RBKS: variants seen among roughly 807,000 people sequenced by gnomAD.
RBKS encodes ribokinase.
RBKS carries 33 observed loss-of-function variants against 33.9 expected under a neutral mutation model. The observed-to-expected ratio is 0.97, with a 90% CI of 0.74 to 1.30. The LOEUF (loss-of-function observed/expected upper bound fraction) is 1.30. Ranked by LOEUF, RBKS falls within the 50% of genes most tolerant of loss-of-function variation. The probability of loss-of-function intolerance (pLI) is 0.00; values close to 1 mark genes in which losing one functional copy is unlikely to be tolerated. For missense variants in RBKS, 361 were observed against 392.6 expected, an observed-to-expected ratio of 0.92 and a Z score of 0.68; for synonymous variants, 125 against 143.0, an observed-to-expected ratio of 0.87 and a Z score of 0.90.
At chr2:27,849,575 A>AG (rs1663693921) in intron 2 of RBKS, among the ~76,000 whole-genome samples, 1 of 147,924 alleles carries the variant, frequency 6.8e-6, no homozygotes, top group African/African-American at 2.6e-5. Context: ...AAAAAAAAAA[A>AG]AAAAAAAAAA....
intron 2 of RBKS, among the ~76,000 whole-genome samples, chr2:27,849,576 A>G (rs1249986390): frequency 2.0e-5 from 3 of 147,936 alleles, no homozygotes; most frequent in East Asian, 3.9e-4. Context: ...AAAAAAAAAA[A>G]AAAAAAAAAA....
rs114007391 is a variant in RBKS at position 27,863,873 on chromosome 2, G to A, written c.90-5302C>T. 8.6e-3 allele frequency among the ~76,000 whole-genome samples: 1,309 copies of A among 152,280 alleles called. 14 individuals carry two copies. The highest frequency in any genetic ancestry group is 0.03 in the African/African-American group (1,228 of 41,554). ...AGAGTAATTTCAAAATCAAGTGAGT[G>A]ACATCTATTTCTACCTCTGTAAAAA... On this transcript the variant is annotated intron_variant, in intron 1 of 7. Coordinates refer to ENST00000302188, the MANE Select transcript of RBKS (RefSeq NM_022128.3).
rs1677984662 is a variant in RBKS, at chr2:27,811,505, T to C, written c.795+16062A>G. 5.3e-5 allele frequency among the ~76,000 whole-genome samples: 8 copies of C among 152,316 alleles called. No homozygotes were observed. In the South Asian group the frequency reaches 1.7e-3, roughly 32 times the overall value. ...AGAGGCTGCTTTTGTATCATTAGTC[T>C]TGGAACTCCCACGATGCTCTGAGAA... On this transcript the variant is annotated intron_variant, in intron 7 of 7. Coordinates refer to ENST00000302188, the MANE Select transcript of RBKS (RefSeq NM_022128.3).
chr2:27,872,798 A>T (rs1429399229), intron 1 of RBKS, among the ~76,000 whole-genome samples: 1 of 152,244 alleles, frequency 6.6e-6, no homozygotes, highest in Non-Finnish European at 1.5e-5. Flanking sequence ...AAGTCAGCCT[A>T]GCTTAATGAA....
chr2:27,885,478 CTTT>C lies in RBKS; in HGVS notation c.89+4776_89+4778del, dbSNP rs571363865. Among the ~76,000 whole-genome samples the C allele has an allele frequency of 1.7e-3, 265 of 152,252 alleles. 4 individuals carry two copies. The South Asian group carries it at 0.024, about 14-fold the overall frequency. ...AATCACTGATTGCTGTCTCCTGACTCTTTTTTTCTTCTTCATCCATACTGGACT... is the reference window on the plus strand; with the variant it reads ...AATCACTGATTGCTGTCTCCTGACTCTTTTCTTCTTCATCCATACTGGACT... On this transcript the variant is annotated intron_variant, in intron 1 of 7. Transcript: ENST00000302188.
chr2:27,789,941 G>GTATATGTGTATATATATATATATATATA (rs1677483644), intron 7 of RBKS, among the ~76,000 whole-genome samples: 1 of 96,522 alleles, frequency 1.0e-5, no homozygotes, highest in Non-Finnish European at 2.0e-5. Flanking sequence ...ATATATATAT[G>GTATATGTGTATATATATATATATATATA]TATATGTGTA....
chr2:27,811,403 T>C (rs1045776853), intron 7 of RBKS, among the ~76,000 whole-genome samples: 4 of 152,212 alleles, frequency 2.6e-5, no homozygotes, highest in African/African-American at 7.2e-5. Context: ...AAGTGTACAG[T>C]GGGATGTGCC....
chr2:27,835,070 G>A (rs1176010362), intron 5 of RBKS, among the ~76,000 whole-genome samples: 1 of 152,112 alleles, frequency 6.6e-6, no homozygotes, highest in African/African-American at 2.4e-5. Context: ...GAGGTCAGGA[G>A]TTTGAGACCA....
chr2:27,788,789 G>A lies in RBKS; in HGVS notation c.796-7001C>T, dbSNP rs191005147. Among the ~76,000 whole-genome samples, 471 of 152,254 alleles carry A rather than the reference G, an allele frequency of 3.1e-3. 8 individuals carry two copies. The highest frequency in any genetic ancestry group is 3.4e-3 in the Middle Eastern group (1 of 294). On this transcript the variant is annotated intron_variant, in intron 7 of 7. Transcript: ENST00000302188. ...AGCATTTTAAAAATGAAGTATTTAA[G>A]GCTAAATTTAACTGAATATGTGTAA...
intron 7 of RBKS, among the ~76,000 whole-genome samples, chr2:27,807,725 A>G (rs1050038373): frequency 1.3e-5 from 2 of 152,026 alleles, no homozygotes; most frequent in African/African-American, 4.8e-5. Flanking sequence ...GGAAACTCCA[A>G]CTCTTCATAC....
chr2:27,795,540 C>T lies in RBKS; in HGVS notation c.796-13752G>A, dbSNP rs191989087. Among the ~76,000 whole-genome samples, 7 of 152,050 alleles carry T rather than the reference C, an allele frequency of 4.6e-5. No homozygotes were observed. Among genetic ancestry groups the T allele is most frequent in the South Asian group, 4.2e-4 (2 of 4,806 alleles). On this transcript the variant is annotated intron_variant, in intron 7 of 7. Transcript: ENST00000302188. The surrounding 1 kb of genome is among the most constrained non-coding windows in gnomAD (Gnocchi z 4.1). ...GGCAGCAAAGCCGGGTATTTATATACACACACACACAACATTGACCTCATT... is the reference window on the plus strand; with the variant it reads ...GGCAGCAAAGCCGGGTATTTATATATACACACACACAACATTGACCTCATT...
At chr2:27,818,868 G>A (rs575373383) in intron 7 of RBKS, among the ~76,000 whole-genome samples, 15 of 152,282 alleles carry the variant, frequency 9.9e-5, no homozygotes, top group East Asian at 7.7e-4. Flanking sequence ...AAGCAGCACC[G>A]CTAGTTAATG....
intron 5 of RBKS, among the ~76,000 whole-genome samples, chr2:27,841,262 C>T (rs1381212210): frequency 1.3e-5 from 2 of 152,076 alleles, no homozygotes; most frequent in Non-Finnish European, 2.9e-5. Flanking sequence ...TCTTTCTCTC[C>T]TTCACAAGCA....
At chr2:27,872,286 G>A (rs1664229625) in intron 1 of RBKS, among the ~76,000 whole-genome samples, 1 of 152,006 alleles carries the variant, frequency 6.6e-6, no homozygotes, top group Admixed American at 6.6e-5. Flanking sequence ...AAATAAATCA[G>A]AACTCCCAAC....
rs750948641 is a variant in RBKS at position 27,858,452 on chromosome 2, G to C, written c.209C>G (p.Ser70Cys). Residue 70 changes from serine (S) to cysteine (C), a missense_variant, in exon 2 of 8, where the codon TCC becomes TGC. Transcript: ENST00000302188. ...VQAARLGAMT[S>C]MVCKVGKDSF... is the part of the protein sequence containing the mutation. Reference sequence around the variant, plus strand: ...CTTTGTACTTACCTTACACACCATGGACGTCATTGCTCCAAGCCGAGCAGC... The same window carrying C: ...CTTTGTACTTACCTTACACACCATGCACGTCATTGCTCCAAGCCGAGCAGC... 1.2e-6 allele frequency: 2 copies of C among 1,613,574 alleles called. No homozygotes were observed. The highest frequency in any genetic ancestry group is 2.7e-5 in the African/African-American group (2 of 74,964).
At chr2:27,800,453 TG>T (rs1677755260) in intron 7 of RBKS, among the ~76,000 whole-genome samples, 1 of 152,150 alleles carries the variant, frequency 6.6e-6, no homozygotes, top group African/African-American at 2.4e-5. Flanking sequence ...ATCTGTACAA[TG>T]GGAACTTACC....
Position 27,837,517 on chromosome 2 carries a change from C to T in RBKS, c.515-4740G>A, listed in dbSNP as rs959061122. ...AACAGATCATTATACCTAAAGGAAA[C>T]ATGTACTTGTATGTTCATCACCATG... On this transcript the variant is annotated intron_variant, in intron 5 of 7. Transcript: ENST00000302188. This position sits in a 1 kb window ranked among gnomAD's most constrained non-coding sequence, Gnocchi z 4.0. Among the ~76,000 whole-genome samples, 1 of 152,150 alleles carries T rather than the reference C, an allele frequency of 6.6e-6. No individual in the cohort carries two copies. The highest frequency in any genetic ancestry group is 6.5e-5 in the Admixed American group (1 of 15,274).
At chr2:27,806,672 C>A (rs1352670279) in intron 7 of RBKS, among the ~76,000 whole-genome samples, 1 of 152,178 alleles carries the variant, frequency 6.6e-6, no homozygotes, top group Non-Finnish European at 1.5e-5. Flanking sequence ...TAACTTTGCT[C>A]AAAAATATTT....
intron 2 of RBKS, among the ~76,000 whole-genome samples, chr2:27,857,404 A>T (rs578258880): frequency 2.0e-5 from 3 of 152,354 alleles, no homozygotes; most frequent in Admixed American, 2.0e-4. Context: ...ATTTATTTTC[A>T]AATTATTTCG....
Sources: allele counts gnomAD v4.1 joint callset (sites outside exome capture counted in the v4.1 genomes callset), GRCh38; gene constraint gnomAD v4.1.1; non-coding constraint Gnocchi (gnomAD v3.1); transcripts MANE v1.5; gene names NCBI Gene and HGNC (gene_info 2026-07-23, HGNC 2026-07-21).